Variants in NOS1AP observed in about 807,000 individuals in gnomAD.
NOS1AP encodes the protein carboxyl-terminal PDZ ligand of neuronal nitric oxide synthase protein.
In NOS1AP, 21 loss-of-function variants were observed where a neutral mutation model predicts 56.2. That is an observed-to-expected ratio of 0.37 (90% CI 0.26 to 0.54). The LOEUF (loss-of-function observed/expected upper bound fraction) is 0.54, where lower values mean the gene tolerates loss of function less well. NOS1AP is among the 20% of genes least tolerant of loss of function. The pLI, the probability that NOS1AP is intolerant of heterozygous loss-of-function variation, is 0.84. For synonymous variants in NOS1AP, 270 were observed against 274.6 expected, an observed-to-expected ratio of 0.98 and a Z score of 0.17; for missense variants, 522 against 657.8, an observed-to-expected ratio of 0.79 and a Z score of 2.26.
intron 9 of NOS1AP, chr1:162,366,762 T>G: frequency 1.9e-6 from 1 of 526,656 alleles, no homozygotes; most frequent in Non-Finnish European, 3.5e-6. Flanking sequence ...GGTACCTTTT[T>G]CCTACCACTA....
chr1:162,321,807 C>G (rs1379660197), intron 4 of NOS1AP, among the ~76,000 whole-genome samples: 1 of 149,438 alleles, frequency 6.7e-6, no homozygotes, highest in Non-Finnish European at 1.5e-5. Context: ...AAAACAGAAA[C>G]AGAAAACCAA....
At chr1:162,280,635 G>A (rs1000110623) in intron 2 of NOS1AP, among the ~76,000 whole-genome samples, 5 of 152,130 alleles carry the variant, frequency 3.3e-5, no homozygotes, top group African/African-American at 7.2e-5. Context: ...CTACAAAGTA[G>A]GATGATACTT....
intron 2 of NOS1AP, among the ~76,000 whole-genome samples, chr1:162,175,804 A>G (rs976952900): frequency 1.4e-4 from 22 of 152,216 alleles, no homozygotes; most frequent in Admixed American, 1.1e-3. Context: ...ATTCTGATCC[A>G]TATTACATAA....
intron 4 of NOS1AP, among the ~76,000 whole-genome samples, chr1:162,320,935 T>C (rs1342914010): frequency 6.6e-6 from 1 of 151,976 alleles, no homozygotes; most frequent in East Asian, 1.9e-4. Context: ...TTCATTTTTC[T>C]CCCCCACTTT....
chr1:162,296,450 G>A (rs1307192299), intron 3 of NOS1AP, among the ~76,000 whole-genome samples: 1 of 152,194 alleles, frequency 6.6e-6, no homozygotes, highest in Non-Finnish European at 1.5e-5. Context: ...TAAAGTGACA[G>A]GACTAGATTT....
intron 2 of NOS1AP, among the ~76,000 whole-genome samples, chr1:162,161,105 C>CT (rs1650193251): frequency 6.6e-6 from 1 of 152,170 alleles, no homozygotes; most frequent in South Asian, 2.1e-4. Flanking sequence ...CCTCCATCGC[C>CT]TTTGGTTATA....
At chr1:162,306,840 G>T (rs1306510422) in intron 4 of NOS1AP, among the ~76,000 whole-genome samples, 1 of 152,102 alleles carries the variant, frequency 6.6e-6, no homozygotes, top group African/African-American at 2.4e-5. Context: ...AGGAGGCTGA[G>T]GCAGGAGAAT....
chr1:162,367,661 G>C lies in NOS1AP; in HGVS notation c.*194G>C. 3.1e-6 allele frequency: 2 copies of C among 651,426 alleles called. No individual in the cohort carries two copies. Among genetic ancestry groups the C allele is most frequent in the Non-Finnish European group, 5.2e-6 (2 of 386,944 alleles). The allele number at this position is 651,426 out of a possible 1,614,324, so 40.4% of individuals were successfully genotyped here. ...AAGTGGGGAAGAAATCGGATTCCCA[G>C]AGGTGAATCAGCTCCTCTCCTACTT... is the stretch of plus-strand genomic sequence containing the variant. On this transcript the variant is annotated 3_prime_UTR_variant, in exon 10 of 10. Transcript: ENST00000361897. This position sits in a 1 kb window ranked among gnomAD's most constrained non-coding sequence, Gnocchi z 6.5.
At chr1:162,243,717 T>TG (rs1653572516) in intron 2 of NOS1AP, among the ~76,000 whole-genome samples, 1 of 152,234 alleles carries the variant, frequency 6.6e-6, no homozygotes, top group African/African-American at 2.4e-5. Context: ...ATGTTTCTAA[T>TG]TTTTAGTCAG....
intron 1 of NOS1AP, among the ~76,000 whole-genome samples, chr1:162,113,144 T>C (rs1647778552): frequency 1.3e-5 from 2 of 152,136 alleles, no homozygotes; most frequent in African/African-American, 4.8e-5. Flanking sequence ...CCCTGGTTTC[T>C]AGAGAGGAGG....
intron 2 of NOS1AP, among the ~76,000 whole-genome samples, chr1:162,167,168 G>T (rs1274088312): frequency 1.3e-5 from 2 of 152,184 alleles, no homozygotes; most frequent in South Asian, 4.1e-4. Flanking sequence ...ATGACAAATT[G>T]CTTCTTCACA....
chr1:162,334,094 T>G (rs113007320), intron 5 of NOS1AP, among the ~76,000 whole-genome samples: 4,662 of 152,312 alleles, frequency 0.031, 110 homozygotes, highest in Middle Eastern at 0.085. Context: ...TAGCAGATGT[T>G]TAGGTACCTT....
intron 2 of NOS1AP, among the ~76,000 whole-genome samples, chr1:162,169,960 A>G (rs922458667): frequency 2.6e-5 from 4 of 152,028 alleles, no homozygotes; most frequent in Admixed American, 6.6e-5. Flanking sequence ...TCCTGCCTGT[A>G]TGGTCTCAGT....
At chr1:162,229,595 T>C (rs185398640) in intron 2 of NOS1AP, among the ~76,000 whole-genome samples, 129 of 152,340 alleles carry the variant, frequency 8.5e-4, no homozygotes, top group Middle Eastern at 3.4e-3. Context: ...TTACTTTTTC[T>C]TTTTCAAATT....
chr1:162,262,287 A>C (rs1284514694), intron 2 of NOS1AP, among the ~76,000 whole-genome samples: 1 of 152,310 alleles, frequency 6.6e-6, no homozygotes, highest in African/African-American at 2.4e-5. Flanking sequence ...GAGAGATAAC[A>C]AATTAGTGGC....
intron 1 of NOS1AP, among the ~76,000 whole-genome samples, chr1:162,087,784 C>A (rs1315077050): frequency 6.6e-6 from 1 of 152,202 alleles, no homozygotes. Flanking sequence ...CACAGCCAGA[C>A]TGCACAGCAT....
chr1:162,287,574 G>T, intron 3 of NOS1AP, 138 bp downstream of exon 3: 1 of 725,310 alleles, frequency 1.4e-6, no homozygotes, highest in South Asian at 1.5e-5. Flanking sequence ...AGCAGCAATG[G>T]TGCTGACAGG....
intron 2 of NOS1AP, among the ~76,000 whole-genome samples, chr1:162,175,905 C>G (rs77711830): frequency 0.031 from 4,775 of 152,256 alleles, 107 homozygotes; most frequent in Non-Finnish European, 0.048. Context: ...TAATTGTTCA[C>G]TTCCAGTGTA....
chr1:162,098,539 T>C (rs747404138), intron 1 of NOS1AP, among the ~76,000 whole-genome samples: 12 of 148,636 alleles, frequency 8.1e-5, no homozygotes, highest in Non-Finnish European at 1.8e-4. Flanking sequence ...CAGGGGTACA[T>C]GTGCCAGATG....
Sources: allele counts gnomAD v4.1 joint callset (sites outside exome capture counted in the v4.1 genomes callset), GRCh38; gene constraint gnomAD v4.1.1; non-coding constraint Gnocchi (gnomAD v3.1); transcripts MANE v1.5; gene names NCBI Gene and HGNC (gene_info 2026-07-23, HGNC 2026-07-21).